MTA3: variants seen among roughly 807,000 people sequenced by gnomAD.
The protein encoded by MTA3 is metastasis associated 1 family member 3.
MTA3 carries 34 observed loss-of-function variants against 83.5 expected under a neutral mutation model. The observed-to-expected ratio is 0.41, with a 90% confidence interval of 0.31 to 0.54. MTA3 has a LOEUF of 0.54. Ranked by LOEUF, MTA3 falls within the 20% of genes least tolerant of loss-of-function variation. The pLI is 0.33. For missense variants in MTA3, 761 were observed against 726.4 expected, an observed-to-expected ratio of 1.05 and a Z score of -0.55; for synonymous variants, 303 against 252.7, an observed-to-expected ratio of 1.20 and a Z score of -1.89.
chr2:42,524,618 C>T (rs912796859), intron 2 of MTA3, among the ~76,000 whole-genome samples: 9 of 151,672 alleles, frequency 5.9e-5, no homozygotes, highest in Admixed American at 3.9e-4. Flanking sequence ...GCCACCGCGC[C>T]CCGCCAGCTG....
chr2:42,689,965 T>TC (rs1692728599), intron 9 of MTA3, among the ~76,000 whole-genome samples: 1 of 152,028 alleles, frequency 6.6e-6, no homozygotes, highest in African/African-American at 2.4e-5. Flanking sequence ...TTTTTTTTTT[T>TC]CCTAGTATCT....
chr2:42,621,284 T>A (rs1395910912), intron 4 of MTA3, among the ~76,000 whole-genome samples: 1 of 152,190 alleles, frequency 6.6e-6, no homozygotes, highest in Middle Eastern at 3.2e-3. Context: ...TGCAGCCTTC[T>A]GCAGTGTTTG....
intron 16 of MTA3, among the ~76,000 whole-genome samples, chr2:42,744,332 C>T (rs1263875994): frequency 1.3e-5 from 2 of 152,156 alleles, no homozygotes; most frequent in Non-Finnish European, 2.9e-5. Flanking sequence ...TTACTAATAT[C>T]ACAGCTTCTC....
intron 2 of MTA3, among the ~76,000 whole-genome samples, chr2:42,572,421 C>CA (rs1019999748): frequency 1.1e-4 from 16 of 149,794 alleles, no homozygotes; most frequent in East Asian, 5.9e-4. Context: ...CTGCCTCTAC[C>CA]AAAAAAAAAT....
intron 9 of MTA3, among the ~76,000 whole-genome samples, chr2:42,691,235 C>A (rs1242422845): frequency 6.6e-6 from 1 of 152,116 alleles, no homozygotes; most frequent in East Asian, 1.9e-4. Context: ...TGGGCTCAAT[C>A]TCCTGACCTT....
chr2:42,520,015 C>A (rs1202503562), intron 2 of MTA3, among the ~76,000 whole-genome samples: 1 of 152,116 alleles, frequency 6.6e-6, no homozygotes, highest in Non-Finnish European at 1.5e-5. Context: ...GTACTCCAGC[C>A]TGGGTGATAA....
chr2:42,501,749 G>T (rs1025200708), intron 2 of MTA3, among the ~76,000 whole-genome samples: 2 of 152,128 alleles, frequency 1.3e-5, no homozygotes, highest in East Asian at 3.9e-4. Flanking sequence ...AGGCCGAGGC[G>T]TGTGGATCAC....
At chr2:42,659,926 A>G (rs761081158) in intron 8 of MTA3, 64 bp downstream of exon 8, 174 of 1,310,208 alleles carry the variant, frequency 1.3e-4, no homozygotes, top group Middle Eastern at 1.9e-4. Flanking sequence ...TTTTAAAGCC[A>G]TTGTGGCAAT....
In MTA3 at chr2:42,618,903, G is replaced by T. The variant is rs1405883841; in HGVS notation, c.317+9319G>T. Among the ~76,000 whole-genome samples the T allele has an allele frequency of 2.6e-5, 4 of 152,146 alleles. No homozygotes were observed. In the East Asian group the frequency reaches 7.7e-4, roughly 29 times the overall value. On this transcript the variant is annotated intron_variant, in intron 4 of 16. Coordinates refer to ENST00000405094, the MANE Select transcript of MTA3 (RefSeq NM_001330442.2). ...TGGGATTACAGGTGTGAGCCAGTGAGCCTGGCCCATTTTTCTTTTCTGTAA... is the reference window on the plus strand; with the variant it reads ...TGGGATTACAGGTGTGAGCCAGTGATCCTGGCCCATTTTTCTTTTCTGTAA...
intron 2 of MTA3, among the ~76,000 whole-genome samples, chr2:42,577,605 C>T (rs530339998): frequency 6.6e-5 from 10 of 151,918 alleles, no homozygotes; most frequent in African/African-American, 1.4e-4. Flanking sequence ...CTCAGCCTCC[C>T]GAGTAGCTGG....
At chr2:42,548,618 C>T (rs1676868781) in intron 2 of MTA3, among the ~76,000 whole-genome samples, 1 of 148,322 alleles carries the variant, frequency 6.7e-6, no homozygotes, top group Admixed American at 6.9e-5. Flanking sequence ...ATGGCAAAAA[C>T]GCCATCTCTA....
At chr2:42,746,046 T>C (rs1206523557) in intron 16 of MTA3, among the ~76,000 whole-genome samples, 1 of 151,518 alleles carries the variant, frequency 6.6e-6, no homozygotes, top group Non-Finnish European at 1.5e-5. Context: ...TCTCCTGACA[T>C]TGTGATCCAC....
chr2:42,502,526 C>T (rs1262057052), intron 2 of MTA3, among the ~76,000 whole-genome samples: 4 of 151,942 alleles, frequency 2.6e-5, no homozygotes, highest in Non-Finnish European at 4.4e-5. Context: ...CAGCCGGGTG[C>T]GGCGGCTCAT....
intron 3 of MTA3, among the ~76,000 whole-genome samples, chr2:42,594,728 A>ATATATTTTTTTTTTT: frequency 8.3e-4 from 20 of 24,040 alleles, no homozygotes; most frequent in Admixed American, 2.7e-3. Flanking sequence ...ATATATATAT[A>ATATATTTTTTTTTTT]TTTTTTTTTT....
intron 8 of MTA3, among the ~76,000 whole-genome samples, chr2:42,661,746 A>G (rs534160961): frequency 9.9e-4 from 151 of 152,258 alleles, no homozygotes; most frequent in Middle Eastern, 3.4e-3. Flanking sequence ...TTTTTTATGC[A>G]TTATACATAA....
At position 42,755,520 on chromosome 2, in the gene MTA3, G is replaced by A. The variant is rs1287137250; in HGVS notation, c.*2121G>A. On this transcript the variant is annotated 3_prime_UTR_variant, in exon 17 of 17. Coordinates refer to ENST00000405094, the MANE Select transcript of MTA3 (RefSeq NM_001330442.2). Reference sequence around the variant, plus strand: ...AGCAGGCTTTTCCTTCCTCTTGTAAGTAAAGCTCGTGGTTCTGTAGTCCAG... The same window carrying A: ...AGCAGGCTTTTCCTTCCTCTTGTAAATAAAGCTCGTGGTTCTGTAGTCCAG... 8 of 985,456 alleles carry A rather than the reference G, an allele frequency of 8.1e-6. No homozygotes were observed. The South Asian group carries it at 3.3e-4, about 40-fold the overall frequency. The allele number at this position is 985,456 out of a possible 1,614,324, so 61.0% of individuals were successfully genotyped here.
At chr2:42,561,459 A>G (rs1216536356) in intron 2 of MTA3, among the ~76,000 whole-genome samples, 3 of 151,676 alleles carry the variant, frequency 2.0e-5, no homozygotes, top group Non-Finnish European at 4.4e-5. Flanking sequence ...AGTAGTTGGG[A>G]TTACAGGTGC....
chr2:42,525,507 C>CTTCCTTCCTTCCTTCCTT, intron 2 of MTA3, among the ~76,000 whole-genome samples: 1 of 59,850 alleles, frequency 1.7e-5, no homozygotes, highest in African/African-American at 6.8e-5. Context: ...TCCTTCCTTC[C>CTTCCTTCCTTCCTTCCTT]CCTTCCTTTC....
intron 16 of MTA3, among the ~76,000 whole-genome samples, chr2:42,724,277 AACACACACACACAC>A (rs34379999): frequency 1.5e-4 from 11 of 73,182 alleles, no homozygotes; most frequent in East Asian, 1.4e-3. Flanking sequence ...AGTCCTGAAA[AACACACACACACAC>A]ACACACACAC....
Sources: gnomAD v4.1 joint callset for allele counts (sites outside exome capture counted in the v4.1 genomes callset) on GRCh38, gnomAD v4.1.1 for gene constraint, MANE v1.5 for transcripts, NCBI Gene and HGNC (gene_info 2026-07-23, HGNC 2026-07-21) for gene names.